The following ZC3H12B variants were observed in gnomAD, a reference collection of about 807,000 sequenced individuals.
ZC3H12B encodes zinc finger CCCH-type containing 12B.
Under a neutral mutation model 43.9 loss-of-function variants are expected in ZC3H12B, and 7 were observed. The ratio of observed to expected loss-of-function variants is 0.16; its 90% CI spans 0.09 to 0.30. ZC3H12B has a LOEUF of 0.30. Among genes scored for constraint, ZC3H12B ranks in the 10% least tolerant of loss-of-function variants. The probability of loss-of-function intolerance (pLI) is 1.00; values close to 1 mark genes in which losing one functional copy is unlikely to be tolerated. For synonymous variants in ZC3H12B, 222 were observed against 241.7 expected (o/e 0.92, Z 0.76); for missense variants, 475 against 670.2 (o/e 0.71, Z 3.22).
At chrX:65,213,239 G>T in the ZC3H12B span, among the ~76,000 whole-genome samples, 83 of 109,936 alleles carry the variant, frequency 7.5e-4, no homozygotes, top group African/African-American at 2.6e-3. Flanking sequence ...CAAGTCTATT[G>T]TTTGGCTTGC....
At chrX:65,061,124 T>G in the ZC3H12B span, among the ~76,000 whole-genome samples, 1,383 of 111,811 alleles carry the variant, frequency 0.012, 5 homozygotes, top group Middle Eastern at 0.028. Flanking sequence ...CCTTTTTCTT[T>G]TATGTTTTTT....
chrX:65,476,988 A>ATT (rs3065468), intron 3 of ZC3H12B, among the ~76,000 whole-genome samples: 12,648 of 90,632 alleles, frequency 0.14, 2,911 homozygotes, highest in African/African-American at 0.54. Context: ...CTCCTGACTA[A>ATT]TTTTTTTTTT....
At chrX:65,483,797 C>T (rs745306355), upstream of ZC3H12B, among the ~76,000 whole-genome samples, 1 of 111,909 alleles carries the variant, frequency 8.9e-6, no homozygotes, top group African/African-American at 3.2e-5. Flanking sequence ...CTCTTAGAAG[C>T]TAATTATATG....
chrX:65,444,945 C>T (rs768800819), intron 3 of ZC3H12B, among the ~76,000 whole-genome samples: 1 of 111,850 alleles, frequency 8.9e-6, no homozygotes, highest in East Asian at 2.8e-4. Context: ...AGCTTGTCTT[C>T]GAGCTCACTA....
At chrX:65,239,561 G>A in the ZC3H12B span, among the ~76,000 whole-genome samples, 3 of 111,052 alleles carry the variant, frequency 2.7e-5, no homozygotes, top group Non-Finnish European at 3.8e-5. Flanking sequence ...TTTAATTAGG[G>A]CATTTCTCCC....
At chrX:65,066,986 C>T in the ZC3H12B span, among the ~76,000 whole-genome samples, 8 of 111,453 alleles carry the variant, frequency 7.2e-5, no homozygotes, top group Non-Finnish European at 1.5e-4. Context: ...AGATGCCCCT[C>T]GCCCAACCAA....
chrX:65,054,648 G>A, the ZC3H12B span, among the ~76,000 whole-genome samples: 5 of 111,508 alleles, frequency 4.5e-5, no homozygotes, highest in East Asian at 8.4e-4. Flanking sequence ...CTTGATGGGG[G>A]TGGCGTTGAA....
At chrX:65,425,902 G>GCATATGGCCTT (rs1254685864) in intron 3 of ZC3H12B, among the ~76,000 whole-genome samples, 1 of 111,394 alleles carries the variant, frequency 9.0e-6, no homozygotes, top group Non-Finnish European at 1.9e-5. Context: ...TGTTCATCAA[G>GCATATGGCCTT]CATATGGCCT....
the ZC3H12B span, among the ~76,000 whole-genome samples, chrX:65,276,558 A>G: frequency 8.9e-6 from 1 of 111,877 alleles, no homozygotes; most frequent in East Asian, 2.8e-4. Flanking sequence ...AGTGTCTGGC[A>G]GAAAAAAAAA....
rs769554198 is a variant in ZC3H12B, at chrX:65,449,775, T to C, written n.408-38871T>C. Among the ~76,000 whole-genome samples, 10 of 111,577 alleles carry C rather than the reference T, an allele frequency of 9.0e-5. No individual in the cohort carries two copies. In the Admixed American group the frequency reaches 9.5e-4, roughly 11 times the overall value. ...GAATGAAAAGCCAAATACTGTATGT[T>C]CTCACTTATAAGTGGGAGCTAAGCT... On this transcript the variant is annotated intron_variant and non_coding_transcript_variant, in intron 3 of 5. Transcript: ENST00000617377.
chrX:65,135,482 T>C, the ZC3H12B span, among the ~76,000 whole-genome samples: 1 of 110,166 alleles, frequency 9.1e-6, no homozygotes, highest in South Asian at 3.8e-4. Context: ...TTCAGGATTT[T>C]TTGTCTTAAT....
chrX:65,190,218 A>G, the ZC3H12B span, among the ~76,000 whole-genome samples: 2 of 110,228 alleles, frequency 1.8e-5, 1 homozygote. Flanking sequence ...GTATAGTTTG[A>G]AGTCAGGTAG....
chrX:65,250,759 C>A, the ZC3H12B span, among the ~76,000 whole-genome samples: 14 of 111,555 alleles, frequency 1.3e-4, no homozygotes, highest in Non-Finnish European at 2.6e-4. Context: ...CTGTTGATAT[C>A]CTTTGCCCAC....
the ZC3H12B span, among the ~76,000 whole-genome samples, chrX:65,248,798 A>T: frequency 1.8e-5 from 2 of 111,438 alleles, no homozygotes; most frequent in Non-Finnish European, 3.8e-5. Flanking sequence ...GTGGTATCGC[A>T]TTGTGGTTTT....
intron 3 of ZC3H12B, among the ~76,000 whole-genome samples, chrX:65,443,199 C>T (rs577156726): frequency 6.3e-5 from 7 of 111,455 alleles, no homozygotes; most frequent in African/African-American, 2.3e-4. Context: ...CATTGTTACC[C>T]TGACACTTCC....
intron 1 of ZC3H12B, chrX:65,366,763 G>A (rs1015588102): frequency 8.9e-6 from 1 of 112,120 alleles, no homozygotes; most frequent in African/African-American, 3.2e-5. Context: ...ACACAGGAAG[G>A]TAGGTGAGTA....
At chrX:65,225,775 G>T in the ZC3H12B span, among the ~76,000 whole-genome samples, 74 of 112,047 alleles carry the variant, frequency 6.6e-4, no homozygotes, top group African/African-American at 2.3e-3. Context: ...AAGGGTATCA[G>T]TCATGGAAGA....
At chrX:65,287,603 G>T in the ZC3H12B span, among the ~76,000 whole-genome samples, 6 of 110,439 alleles carry the variant, frequency 5.4e-5, no homozygotes, top group South Asian at 3.9e-4. Flanking sequence ...TTTACAAAAA[G>T]AAATTCCTTG....
At chrX:65,408,553 C>T in intron 3 of ZC3H12B, 1 of 1,196,929 alleles carries the variant, frequency 8.4e-7, no homozygotes, top group Non-Finnish European at 1.1e-6. Context: ...GAATCCCGCC[C>T]CTCGGGGGCA....
Sources: allele counts gnomAD v4.1 joint callset (sites outside exome capture counted in the v4.1 genomes callset), GRCh38; gene constraint gnomAD v4.1.1; transcripts MANE v1.5; gene names NCBI Gene and HGNC (gene_info 2026-07-23, HGNC 2026-07-21).